FCHSD2: variants seen among roughly 807,000 people sequenced by gnomAD.
FCHSD2 encodes the protein FCH and double SH3 domains 2, also known as F-BAR and double SH3 domains protein 2.
Under a neutral mutation model 108.1 loss-of-function variants are expected in FCHSD2, and 38 were observed. The observed-to-expected ratio is 0.35, with a 90% CI of 0.27 to 0.46. The LOEUF is 0.46. Among genes scored for constraint, FCHSD2 ranks in the 20% least tolerant of loss-of-function variants. The pLI, the probability that FCHSD2 is intolerant of heterozygous loss-of-function variation, is 1.00. For synonymous variants in FCHSD2, 279 were observed against 314.7 expected (o/e 0.89, Z 1.20); for missense variants, 751 against 897.8 (o/e 0.84, Z 2.09).
chr11:73,131,284 G>A (rs868118094), intron 2 of FCHSD2, among the ~76,000 whole-genome samples: 24 of 151,250 alleles, frequency 1.6e-4, no homozygotes, highest in Middle Eastern at 3.2e-3. Flanking sequence ...GTGGGAGGCC[G>A]AGGCAGGTGG....
intron 2 of FCHSD2, among the ~76,000 whole-genome samples, chr11:73,094,670 G>C (rs1387939587): frequency 6.6e-6 from 1 of 152,136 alleles, no homozygotes; most frequent in African/African-American, 2.4e-5. Context: ...CCTCATATTA[G>C]TATATAAAAA....
At chr11:72,904,954 GTT>G (rs1239067953) in intron 9 of FCHSD2, among the ~76,000 whole-genome samples, 4 of 152,122 alleles carry the variant, frequency 2.6e-5, no homozygotes, top group Non-Finnish European at 5.9e-5. Flanking sequence ...TGGAATGGGT[GTT>G]TTTTGTCTTG....
At chr11:72,948,170 G>A (rs1015568308) in intron 8 of FCHSD2, among the ~76,000 whole-genome samples, 1 of 152,088 alleles carries the variant, frequency 6.6e-6, no homozygotes, top group Non-Finnish European at 1.5e-5. Flanking sequence ...ACCAGACCTG[G>A]CAAATTTTTG....
rs531382728 is a variant in FCHSD2 at position 72,939,047 on chromosome 11, T to C, written c.706-17097A>G. ...TCAAATTTTAATACAGTAGCCAAAC[T>C]GTACTTTTTTGGGGGTATATGGTTA... On this transcript the variant is annotated intron_variant, in intron 8 of 19. Coordinates refer to ENST00000409418, the MANE Select transcript of FCHSD2 (RefSeq NM_014824.3). Among the ~76,000 whole-genome samples, 4 of 152,296 alleles carry C rather than the reference T, an allele frequency of 2.6e-5. No homozygotes were observed. The South Asian group carries it at 8.3e-4, about 32-fold the overall frequency.
At chr11:72,895,529 T>G (rs1047944403) in intron 10 of FCHSD2, among the ~76,000 whole-genome samples, 1 of 152,148 alleles carries the variant, frequency 6.6e-6, no homozygotes, top group East Asian at 1.9e-4. Context: ...AATCACAAGC[T>G]AGATAGGGGA....
chr11:72,991,227 A>C (rs1384740246), intron 5 of FCHSD2, among the ~76,000 whole-genome samples: 1 of 152,236 alleles, frequency 6.6e-6, no homozygotes, highest in Non-Finnish European at 1.5e-5. Context: ...TTAATAGCTT[A>C]CCAACCAAAA....
intron 3 of FCHSD2, among the ~76,000 whole-genome samples, chr11:73,027,983 T>C (rs776865048): frequency 7.2e-5 from 11 of 152,218 alleles, no homozygotes; most frequent in African/African-American, 2.4e-4. Context: ...AGAGAATGTA[T>C]GGAAACACCT....
rs140378749 is a variant in FCHSD2 at position 72,840,680 on chromosome 11, C to T, written c.2139+197G>A. Among the ~76,000 whole-genome samples, 33 of 152,300 alleles carry T rather than the reference C, an allele frequency of 2.2e-4. No homozygotes were observed. In the East Asian group the frequency reaches 5.8e-3, roughly 27 times the overall value. On this transcript the variant is annotated intron_variant, in intron 19 of 19. Transcript: ENST00000409418. ...CACTGTGGCTCAGTGAAAAAAGTTCCAGTGTAGATTAAATGTCCCGAGATG... is the reference window on the plus strand; with the variant it reads ...CACTGTGGCTCAGTGAAAAAAGTTCTAGTGTAGATTAAATGTCCCGAGATG...
chr11:73,065,469 T>A (rs920072906), intron 3 of FCHSD2, among the ~76,000 whole-genome samples: 3 of 152,056 alleles, frequency 2.0e-5, no homozygotes, highest in Non-Finnish European at 2.9e-5. Context: ...CCCTCTCTCA[T>A]CCCTCCTATT....
chr11:72,961,292 T>C (rs747555740), intron 8 of FCHSD2, among the ~76,000 whole-genome samples: 7 of 152,064 alleles, frequency 4.6e-5, no homozygotes, highest in African/African-American at 1.4e-4. Context: ...AGTGGGATCA[T>C]AGCTCACTAT....
At chr11:73,127,320 C>T (rs926930619) in intron 2 of FCHSD2, among the ~76,000 whole-genome samples, 4 of 152,098 alleles carry the variant, frequency 2.6e-5, no homozygotes, top group Non-Finnish European at 5.9e-5. Flanking sequence ...AAACAAAGCA[C>T]GATCAAGGAA....
chr11:73,119,776 T>C (rs1860689019), intron 2 of FCHSD2, among the ~76,000 whole-genome samples: 1 of 152,174 alleles, frequency 6.6e-6, no homozygotes, highest in Non-Finnish European at 1.5e-5. Context: ...TATACAATAT[T>C]TGACCCATCA....
intron 3 of FCHSD2, among the ~76,000 whole-genome samples, chr11:73,048,765 G>C (rs1051455084): frequency 4.6e-5 from 7 of 152,150 alleles, no homozygotes; most frequent in Non-Finnish European, 1.0e-4. Flanking sequence ...AAATCAGTAA[G>C]ACAGGGATGT....
chr11:73,087,068 G>A (rs890122344), intron 2 of FCHSD2, among the ~76,000 whole-genome samples: 1 of 152,158 alleles, frequency 6.6e-6, no homozygotes, highest in African/African-American at 2.4e-5. Flanking sequence ...TATCATAGGA[G>A]ATGACAGCTC....
chr11:72,857,905 G>A (rs577899514), intron 13 of FCHSD2, among the ~76,000 whole-genome samples: 2 of 152,254 alleles, frequency 1.3e-5, no homozygotes, highest in South Asian at 2.1e-4. Context: ...TGGCCAACTT[G>A]GGTTTGAATG....
chr11:73,073,951 G>A (rs969198066), intron 3 of FCHSD2, among the ~76,000 whole-genome samples: 17 of 151,928 alleles, frequency 1.1e-4, no homozygotes, highest in Admixed American at 7.9e-4. Flanking sequence ...ATATCAGGCA[G>A]CATATGGGAG....
intron 10 of FCHSD2, among the ~76,000 whole-genome samples, chr11:72,898,284 A>C (rs972590353): frequency 6.6e-6 from 1 of 152,248 alleles, no homozygotes; most frequent in Non-Finnish European, 1.5e-5. Context: ...GAAGAGTTAC[A>C]TTTTATCACA....
At chr11:72,874,789 G>A (rs990234823) in intron 12 of FCHSD2, among the ~76,000 whole-genome samples, 1 of 152,142 alleles carries the variant, frequency 6.6e-6, no homozygotes, top group Non-Finnish European at 1.5e-5. Flanking sequence ...TTGCTTATAA[G>A]TTAAAAATTG....
At chr11:73,117,921 C>A (rs1860641719) in intron 2 of FCHSD2, among the ~76,000 whole-genome samples, 1 of 152,170 alleles carries the variant, frequency 6.6e-6, no homozygotes, top group Admixed American at 6.5e-5. Context: ...ATTTGCTTAT[C>A]TTTTTATGTA....
Sources: gnomAD v4.1 joint callset for allele counts (sites outside exome capture counted in the v4.1 genomes callset) on GRCh38, gnomAD v4.1.1 for gene constraint, MANE v1.5 for transcripts, NCBI Gene and HGNC (gene_info 2026-07-23, HGNC 2026-07-21) for gene names.